The following SASH3 variants were observed in gnomAD, a reference collection of about 807,000 sequenced individuals.
The protein encoded by SASH3 is SAM and SH3 domain-containing protein 3.
Under a neutral mutation model 26.1 loss-of-function variants are expected in SASH3, and 7 were observed. The observed-to-expected ratio is 0.27, with a 90% CI of 0.15 to 0.50. The LOEUF (loss-of-function observed/expected upper bound fraction) is 0.50. Among genes scored for constraint, SASH3 ranks in the 20% least tolerant of loss-of-function variants. The pLI, the probability that SASH3 is intolerant of heterozygous loss-of-function variation, is 0.98. For synonymous variants in SASH3, 138 were observed against 136.8 expected, an observed-to-expected ratio of 1.01 and a Z score of -0.06; for missense variants, 231 against 318.3, an observed-to-expected ratio of 0.73 and a Z score of 2.09.
intron 4 of SASH3, 138 bp downstream of exon 4, chrX:129,791,219 C>A: frequency 1.7e-6 from 1 of 605,484 alleles, no homozygotes; most frequent in Non-Finnish European, 2.6e-6. Context: ...ATTCTCAGTC[C>A]TCTTCACATT....
At position 129,794,993 on chromosome X, in the gene SASH3, C is replaced by G. The variant is rs1927310736; in HGVS notation, c.*1161C>G. 1 of 111,320 alleles carries G rather than the reference C, an allele frequency of 9.0e-6. No individual in the cohort carries two copies. The highest frequency in any genetic ancestry group is 1.9e-5 in the Non-Finnish European group (1 of 53,035). 9.2% of individuals were successfully genotyped at this position (111,320 alleles called of 1,213,427 possible). ...CTTGACCCCAGTACGAAGTCTATGC[C>G]CTGAATCCCCAGAGTAGCCCTTCCT... On this transcript the variant is annotated 3_prime_UTR_variant, in exon 8 of 8. Coordinates refer to ENST00000356892, the MANE Select transcript of SASH3 (RefSeq NM_018990.4).
chrX:129,789,170 A>AGAAAGAAAGAAAGAGAGAG (rs10683625), intron 3 of SASH3, among the ~76,000 whole-genome samples: 1 of 48,293 alleles, frequency 2.1e-5, no homozygotes, highest in African/African-American at 1.4e-4. Flanking sequence ...AGAAAGAGAA[A>AGAAAGAAAGAAAGAGAGAG]AAAAAAAAAA....
chrX:129,792,193 C>A, intron 4 of SASH3, 135 bp from the exon 5 acceptor site: 1 of 710,032 alleles, frequency 1.4e-6, no homozygotes, highest in Non-Finnish European at 2.1e-6. Context: ...CAGTGTAAAG[C>A]TTGCCAGAGC....
In SASH3 at chrX:129,788,683, C is replaced by T. The variant is rs1927155470; in HGVS notation, c.300+106C>T. On this transcript the variant is annotated intron_variant, in intron 3 of 7. Coordinates refer to ENST00000356892, the MANE Select transcript of SASH3 (RefSeq NM_018990.4). ...ATAGCCACTACTCAGGCCGGAAGGC[C>T]CTATTTGATGCAAGAAGGAAGGTCA... is the stretch of plus-strand genomic sequence containing the variant. The T allele has an allele frequency of 6.1e-6, 5 of 824,697 alleles. No homozygotes were observed. In the Admixed American group the frequency reaches 1.3e-4, roughly 22 times the overall value. The allele number at this position is 824,697 out of a possible 1,213,427, so 68.0% of individuals were successfully genotyped here.
At chrX:129,789,366 C>T (rs1020140035) in intron 3 of SASH3, among the ~76,000 whole-genome samples, 27 of 109,855 alleles carry the variant, frequency 2.5e-4, no homozygotes, top group African/African-American at 9.0e-4. Flanking sequence ...GGCACAGTGG[C>T]TCACACCTGT....
At position 129,788,433 on chromosome X, in the gene SASH3, T is replaced by A; in HGVS notation, c.156T>A (p.Ile52=). Residue 52 remains isoleucine, a splice_region_variant and synonymous_variant, in exon 3 of 8, where the codon ATT becomes ATA. Coordinates refer to ENST00000356892, the MANE Select transcript of SASH3 (RefSeq NM_018990.4). The part of the protein sequence containing the change: ...SEKEFNLDDN[I]PEDDSGVPTP... ...GATCGCCTCTTTTGTTGTCACAGATTCCAGAAGATGACTCAGGTGTCCCCA... is the reference window on the plus strand; with the variant it reads ...GATCGCCTCTTTTGTTGTCACAGATACCAGAAGATGACTCAGGTGTCCCCA... 1 of 1,211,053 alleles carries A rather than the reference T, an allele frequency of 8.3e-7. No homozygotes were observed.
chrX:129,782,196 G>T (rs1003424495), intron 1 of SASH3, among the ~76,000 whole-genome samples: 1 of 112,082 alleles, frequency 8.9e-6, no homozygotes, highest in Admixed American at 9.5e-5. Flanking sequence ...CCTCTGAAAA[G>T]GAGGATAACT....
At position 129,791,097 on chromosome X, in the gene SASH3, G is replaced by A. The variant is rs1439246724; in HGVS notation, c.442+16G>A. ...GCATCAACAGGTGAGTAGGGGATGC[G>A]GGGGACACCTGCCGAATCTGGAGGA... On this transcript the variant is annotated intron_variant, in intron 4 of 7. Coordinates refer to ENST00000356892, the MANE Select transcript of SASH3 (RefSeq NM_018990.4). 1.3e-5 allele frequency: 16 copies of A among 1,204,541 alleles called. No homozygotes were observed. Among genetic ancestry groups the A allele is most frequent in the East Asian group, 5.9e-5 (2 of 33,692 alleles).
intron 1 of SASH3, among the ~76,000 whole-genome samples, chrX:129,787,073 G>A (rs1238305146): frequency 9.0e-6 from 1 of 110,511 alleles, no homozygotes; most frequent in African/African-American, 3.3e-5. Context: ...AGGCCGAGGT[G>A]GGCAGATCAC....
At chrX:129,789,107 A>AAAAAAGAGAAAGAAAGAAAG (rs1556001544) in intron 3 of SASH3, among the ~76,000 whole-genome samples, 8 of 81,292 alleles carry the variant, frequency 9.8e-5, no homozygotes, top group African/African-American at 5.1e-4. Context: ...GTCTCAAAAA[A>AAAAAAGAGAAAGAAAGAAAG]AAAAAGAAAG....
intron 1 of SASH3, among the ~76,000 whole-genome samples, chrX:129,785,690 A>C (rs1927095545): frequency 8.9e-6 from 1 of 112,173 alleles, no homozygotes; most frequent in African/African-American, 3.2e-5. Context: ...TTCCGGCCCC[A>C]TGCCTGCCCT....
chrX:129,791,123 A>T (rs1186640262), intron 4 of SASH3, 42 bp downstream of exon 4: 1 of 1,189,911 alleles, frequency 8.4e-7, no homozygotes, highest in Admixed American at 2.2e-5. Context: ...ATCTGGAGGA[A>T]AGGACTGGGT....
intron 2 of SASH3, 67 bp downstream of exon 2, chrX:129,788,137 G>GT: frequency 2.8e-6 from 1 of 354,270 alleles, no homozygotes; most frequent in Non-Finnish European, 5.4e-6. Flanking sequence ...GGGTGGGAGG[G>GT]AAGAGGGTGA....
In SASH3 at chrX:129,794,737, T is replaced by G. The variant is rs1000845886; in HGVS notation, c.*905T>G. ...CATCCCTGGCCCCCTCAAACGAGAC[T>G]TCTCACAAGGCTGATTACAGATGGT... On this transcript the variant is annotated 3_prime_UTR_variant, in exon 8 of 8. Transcript: ENST00000356892. 9.0e-6 allele frequency: 1 copy of G among 111,512 alleles called. No homozygotes were observed. Among genetic ancestry groups the G allele is most frequent in the Non-Finnish European group, 1.9e-5 (1 of 53,095 alleles). The allele number at this position is 111,512 out of a possible 1,213,427, so 9.2% of individuals were successfully genotyped here.
intron 1 of SASH3, among the ~76,000 whole-genome samples, chrX:129,782,981 A>G (rs1161895629): frequency 9.0e-6 from 1 of 111,566 alleles, no homozygotes; most frequent in Non-Finnish European, 1.9e-5. Flanking sequence ...GGAAGTGGAG[A>G]GGGATTTTTC....
Position 129,792,389 on chromosome X carries a change from C to T in SASH3, c.504C>T (p.Pro168=), listed in dbSNP as rs759384428. The T allele has an allele frequency of 8.3e-7, 1 of 1,211,728 alleles. No individual in the cohort carries two copies. Among genetic ancestry groups the T allele is most frequent in the Non-Finnish European group, 1.1e-6 (1 of 895,273 alleles). Reference sequence around the variant, plus strand: ...GCTTCGGGGAGGAACCACCTGCCCCCCAGTACACAGGGCCTTTCTGTGGCC... The same window carrying T: ...GCTTCGGGGAGGAACCACCTGCCCCTCAGTACACAGGGCCTTTCTGTGGCC... ...SGSFGEEPPA[P]QYTGPFCGRA... The change falls in exon 5 of 8, where the codon CCC becomes CCT. Residue 168 remains proline (P), a synonymous_variant. Coordinates refer to ENST00000356892, the MANE Select transcript of SASH3 (RefSeq NM_018990.4).
rs369974398 is a variant in SASH3 at position 129,792,349 on chromosome X, G to A, written c.464G>A (p.Ser155Asn). ...ASTGSELCSP[S>N]PGSGSFGEEP... Reference sequence around the variant, plus strand: ...GCAGGCAGTGAGCTCTGCAGCCCCAGCCCAGGTTCTGGCAGCTTCGGGGAG... The same window carrying A: ...GCAGGCAGTGAGCTCTGCAGCCCCAACCCAGGTTCTGGCAGCTTCGGGGAG... The change falls in exon 5 of 8, where the codon AGC becomes AAC. Residue 155 changes from serine (S) to asparagine (N), a missense_variant. Ser to Asn is a conservative substitution (Grantham distance 46). Transcript: ENST00000356892. 13 of 1,208,912 alleles carry A rather than the reference G, an allele frequency of 1.1e-5. No individual in the cohort carries two copies. Among genetic ancestry groups the A allele is most frequent in the Non-Finnish European group, 1.5e-5 (13 of 893,951 alleles).
chrX:129,784,099 C>CT (rs1001368333), intron 1 of SASH3, among the ~76,000 whole-genome samples: 1 of 110,856 alleles, frequency 9.0e-6, no homozygotes, highest in African/African-American at 3.3e-5. Context: ...TACACCCCCC[C>CT]CTTCCCCCAG....
rs778227375 is a variant in SASH3 at position 129,792,490 on chromosome X, C to T, written c.591+14C>T. On this transcript the variant is annotated intron_variant, in intron 5 of 7. Transcript: ENST00000356892. ...CTGAAACTGCAGGTAAGATCAGCAT[C>T]CGGGCTTCTCTGGAGCCTGGCAGGC... is the stretch of plus-strand genomic sequence containing the variant. 1.6e-5 allele frequency: 19 copies of T among 1,210,045 alleles called. No individual in the cohort carries two copies. Among genetic ancestry groups the T allele is most frequent in the South Asian group, 1.4e-4 (8 of 56,855 alleles).
Sources: gnomAD v4.1 joint callset for allele counts (sites outside exome capture counted in the v4.1 genomes callset) on GRCh38, gnomAD v4.1.1 for gene constraint, MANE v1.5 for transcripts, NCBI Gene and HGNC (gene_info 2026-07-23, HGNC 2026-07-21) for gene names.